Variants in PEMT observed in about 807,000 individuals in gnomAD.
PEMT encodes the protein phosphatidylethanolamine N-methyltransferase, also known as phospholipid methyltransferase.
Under a neutral mutation model 27.4 loss-of-function variants are expected in PEMT, and 23 were observed. The observed-to-expected ratio is 0.84, with a 90% CI of 0.60 to 1.19. The LOEUF is 1.19. Among genes scored for constraint, PEMT ranks in the 50% most tolerant of loss-of-function variants. The probability of loss-of-function intolerance (pLI) is 0.00; values close to 1 mark genes in which losing one functional copy is unlikely to be tolerated. For missense variants in PEMT, 307 were observed against 310.1 expected, an observed-to-expected ratio of 0.99 and a Z score of 0.07; for synonymous variants, 137 against 139.1, an observed-to-expected ratio of 0.98 and a Z score of 0.11.
intron 3 of PEMT, among the ~76,000 whole-genome samples, chr17:17,520,707 G>A (rs1907200051): frequency 6.6e-6 from 1 of 152,220 alleles, no homozygotes; most frequent in East Asian, 1.9e-4. Context: ...CAGGTGCCAG[G>A]GGACCCACCC....
Position 17,582,539 on chromosome 17 carries a change from A to C in PEMT, c.97-5512T>G. On this transcript the variant is annotated intron_variant, in intron 1 of 6. Transcript: ENST00000255389. This position sits in a 1 kb window ranked among gnomAD's most constrained non-coding sequence, Gnocchi z 4.9. ...CCAGGCCACACACCACACACAACAA[A>C]GGGCAGGGGAATGGGTGGGGGCTGC... 1.9e-5 allele frequency: 8 copies of C among 431,252 alleles called. No homozygotes were observed. The highest frequency in any genetic ancestry group is 2.5e-5 in the Non-Finnish European group (8 of 323,774). The allele number at this position is 431,252 out of a possible 1,614,324, so 26.7% of individuals were successfully genotyped here. A position where few individuals can be genotyped will look rare whatever the true frequency, so the allele number is the denominator to read the frequency against.
chr17:17,582,554 G>GT lies in PEMT; in HGVS notation c.97-5528dup, dbSNP rs34561995. The stretch of plus-strand genomic sequence containing the variant: ...CACACAACAAAGGGCAGGGGAATGG[G>GT]TGGGGGCTGCTGGAGAGGGGACAGG... On this transcript the variant is annotated intron_variant, in intron 1 of 6. Coordinates refer to ENST00000255389, the MANE Select transcript of PEMT (RefSeq NM_148172.3). The surrounding 1 kb of genome is among the most constrained non-coding windows in gnomAD (Gnocchi z 4.9). The GT allele has an allele frequency of 5.7e-6, 2 of 353,770 alleles. No homozygotes were observed. Among genetic ancestry groups the GT allele is most frequent in the Non-Finnish European group, 7.9e-6 (2 of 252,914 alleles). 21.9% of individuals were successfully genotyped at this position (353,770 alleles called of 1,614,324 possible).
rs113861042 is a variant in PEMT at position 17,582,181 on chromosome 17, T to C, written c.97-5154A>G. 6.3e-4 allele frequency: 503 copies of C among 792,958 alleles called. 1 individual carries two copies. Among genetic ancestry groups the C allele is most frequent in the African/African-American group, 6.0e-3 (320 of 53,568 alleles). 49.1% of individuals were successfully genotyped at this position (792,958 alleles called of 1,614,324 possible). ...TACAACAGAGGTCCCGGCTTTCTGC[T>C]ACCCAGTAATTCTAATGGAACCCCC... On this transcript the variant is annotated intron_variant, in intron 1 of 6. Coordinates refer to ENST00000255389, the MANE Select transcript of PEMT (RefSeq NM_148172.3). This position sits in a 1 kb window ranked among gnomAD's most constrained non-coding sequence, Gnocchi z 4.9.
At chr17:17,518,236 G>T in intron 3 of PEMT, 1 of 852,432 alleles carries the variant, frequency 1.2e-6, no homozygotes, top group Non-Finnish European at 1.4e-6. Context: ...AGGAAGGGCT[G>T]CAGCCCAGTC....
At chr17:17,548,312 C>A (rs1036434634) in intron 2 of PEMT, among the ~76,000 whole-genome samples, 11 of 152,326 alleles carry the variant, frequency 7.2e-5, no homozygotes, top group Admixed American at 5.9e-4. Context: ...TGAGGGCTGA[C>A]CATCCAGTGG....
chr17:17,524,713 A>G (rs1011355500), intron 2 of PEMT, among the ~76,000 whole-genome samples: 4 of 152,204 alleles, frequency 2.6e-5, no homozygotes, highest in Non-Finnish European at 4.4e-5. Context: ...CAGCCTGAAG[A>G]CAGAGCAAGA....
intron 2 of PEMT, among the ~76,000 whole-genome samples, chr17:17,562,182 C>T (rs1269898630): frequency 2.6e-5 from 4 of 152,254 alleles, no homozygotes; most frequent in East Asian, 1.9e-4. Flanking sequence ...TCTGCACACA[C>T]GGCCGAGGCC....
chr17:17,576,912 T>A lies in PEMT; in HGVS notation c.204+8A>T. 1 of 1,607,824 alleles carries A rather than the reference T, an allele frequency of 6.2e-7. No homozygotes were observed. The highest frequency in any genetic ancestry group is 8.5e-7 in the Non-Finnish European group (1 of 1,174,446). ...TCCCGTCTGGACAGTGTCAGGCACA[T>A]CACTTACCACATTCCAGTAGAGCGG... On this transcript the variant is annotated splice_region_variant and intron_variant, in intron 2 of 6. Transcript: ENST00000255389.
intron 2 of PEMT, among the ~76,000 whole-genome samples, chr17:17,550,079 A>C (rs1223344708): frequency 6.6e-6 from 1 of 151,980 alleles, no homozygotes; most frequent in Non-Finnish European, 1.5e-5. Context: ...AGCGGGGGGG[A>C]TCAGCAGGGC....
intron 1 of PEMT, among the ~76,000 whole-genome samples, chr17:17,580,932 G>C (rs1017159809): frequency 1.3e-5 from 2 of 152,152 alleles, no homozygotes; most frequent in Non-Finnish European, 2.9e-5. Context: ...CTTACCTATG[G>C]ACCAGCATGC....
chr17:17,553,655 C>G (rs781123279), intron 2 of PEMT, among the ~76,000 whole-genome samples: 2 of 152,246 alleles, frequency 1.3e-5, no homozygotes, highest in South Asian at 2.1e-4. Context: ...CTCAGTTCAG[C>G]TCCCACGCGT....
intron 2 of PEMT, among the ~76,000 whole-genome samples, chr17:17,567,875 C>A (rs1910937183): frequency 6.6e-6 from 1 of 152,242 alleles, no homozygotes; most frequent in South Asian, 2.1e-4. Flanking sequence ...GTGCAAGAGG[C>A]CCTGGCAGAG....
chr17:17,506,921 C>T, intron 5 of PEMT: 2 of 530,154 alleles, frequency 3.8e-6, no homozygotes, highest in Non-Finnish European at 6.7e-6. Context: ...GGGACAGCAG[C>T]CCCACGCCCA....
intron 3 of PEMT, among the ~76,000 whole-genome samples, chr17:17,516,050 G>C (rs1906800835): frequency 6.6e-6 from 1 of 152,118 alleles, no homozygotes; most frequent in South Asian, 2.1e-4. Flanking sequence ...CCTGGGACAG[G>C]CCTGTCCCGT....
In PEMT at chr17:17,505,683, C is replaced by CG. The variant is rs1043341012; in HGVS notation, c.*107dup. The CG allele has an allele frequency of 3.0e-6, 4 of 1,316,706 alleles. No individual in the cohort carries two copies. Among genetic ancestry groups the CG allele is most frequent in the Non-Finnish European group, 4.0e-6 (4 of 1,003,162 alleles). 81.6% of individuals were successfully genotyped at this position (1,316,706 alleles called of 1,614,324 possible). On this transcript the variant is annotated 3_prime_UTR_variant, in exon 7 of 7. Coordinates refer to ENST00000255389, the MANE Select transcript of PEMT (RefSeq NM_148172.3). Reference sequence around the variant, plus strand: ...TCCAAGGCACTGGGGCAGCCCACGCCGGGGGCGAGCCCTGAGCAGCAGGCA... The same window carrying CG: ...TCCAAGGCACTGGGGCAGCCCACGCCGGGGGGCGAGCCCTGAGCAGCAGGCA...
At chr17:17,528,075 C>T (rs1907817119) in intron 2 of PEMT, among the ~76,000 whole-genome samples, 1 of 152,246 alleles carries the variant, frequency 6.6e-6, no homozygotes, top group South Asian at 2.1e-4. Context: ...TGGGGAGGAG[C>T]TGGTGTTTCC....
intron 1 of PEMT, chr17:17,577,575 A>G: frequency 1.1e-6 from 1 of 946,682 alleles, no homozygotes; most frequent in East Asian, 1.2e-4. Flanking sequence ...TACGGGGGGC[A>G]CGTGGACACT....
chr17:17,565,641 C>T (rs1453451706), intron 2 of PEMT, among the ~76,000 whole-genome samples: 1 of 152,272 alleles, frequency 6.6e-6, no homozygotes, highest in Non-Finnish European at 1.5e-5. Context: ...GAGCCCAACA[C>T]CAGCTGCCAC....
intron 2 of PEMT, among the ~76,000 whole-genome samples, chr17:17,554,554 T>C (rs1341476624): frequency 6.6e-6 from 1 of 152,248 alleles, no homozygotes; most frequent in Non-Finnish European, 1.5e-5. Flanking sequence ...GCCGCTTCCC[T>C]GCAAGGTTTC....
Sources: gnomAD v4.1 joint callset for allele counts (sites outside exome capture counted in the v4.1 genomes callset) on GRCh38, gnomAD v4.1.1 for gene constraint, Gnocchi (gnomAD v3.1) non-coding constraint, MANE v1.5 for transcripts, NCBI Gene and HGNC (gene_info 2026-07-23, HGNC 2026-07-21) for gene names.